PFKFB1: variants seen among roughly 807,000 people sequenced by gnomAD.
PFKFB1 encodes the protein 6-phosphofructo-2-kinase/fructose-2,6-bisphosphatase 1.
Under a neutral mutation model 46.4 loss-of-function variants are expected in PFKFB1, and 34 were observed. The observed-to-expected ratio is 0.73, with a 90% CI of 0.56 to 0.98. The LOEUF (loss-of-function observed/expected upper bound fraction) is 0.98, where lower values mean the gene tolerates loss of function less well. PFKFB1 is among the 50% of genes least tolerant of loss of function. PFKFB1 has a pLI of 0.00. For synonymous variants in PFKFB1, 119 were observed against 133.8 expected, an observed-to-expected ratio of 0.89 and a Z score of 0.76; for missense variants, 393 against 376.3, an observed-to-expected ratio of 1.04 and a Z score of -0.37.
At chrX:54,946,377 C>A (rs1341384103) in intron 9 of PFKFB1, among the ~76,000 whole-genome samples, 1 of 111,706 alleles carries the variant, frequency 9.0e-6, no homozygotes, top group Non-Finnish European at 1.9e-5. Flanking sequence ...GAGAAACTCC[C>A]AGAGGTGAGG....
At position 54,951,894 on chromosome X, in the gene PFKFB1, G is replaced by A. The variant is rs1363806204; in HGVS notation, c.846+11C>T. 5.9e-6 allele frequency: 7 copies of A among 1,178,607 alleles called. No homozygotes were observed. In the African/African-American group the frequency reaches 1.1e-4, roughly 18 times the overall value. Reference sequence around the variant, plus strand: ...CAGCCAACCCATCTGGGTGTGTGTGGCCCACCCTACCTGCTTGCCGCGAAC... The same window carrying A: ...CAGCCAACCCATCTGGGTGTGTGTGACCCACCCTACCTGCTTGCCGCGAAC... On this transcript the variant is annotated intron_variant, in intron 8 of 13. Coordinates refer to ENST00000375006, the MANE Select transcript of PFKFB1 (RefSeq NM_002625.4).
In PFKFB1 at chrX:54,952,012, T is replaced by A; in HGVS notation, c.739A>T (p.Ile247Phe). The A allele has an allele frequency of 8.3e-7, 1 of 1,210,649 alleles. No individual in the cohort carries two copies. Among genetic ancestry groups the A allele is most frequent in the Non-Finnish European group, 1.1e-6 (1 of 894,560 alleles). ...QSRTVYYLMNIHVTPRSIYLC... is the reference protein window; with the variant it reads ...QSRTVYYLMNFHVTPRSIYLC... ...TAGATGGAGCGAGGTGTGACATGGA[T>A]ATTCATGAGGTAGTAGACTGTGCGG... Residue 247 changes from isoleucine (I) to phenylalanine (F), a missense_variant, in exon 8 of 14, where the codon ATC (isoleucine) becomes TTC (phenylalanine). Physicochemically the swap from Ile to Phe is conservative, Grantham distance 21 (BLOSUM62 0). Transcript: ENST00000375006.
At chrX:54,945,717 T>TGC (rs35611718) in intron 9 of PFKFB1, among the ~76,000 whole-genome samples, 174 bp from the exon 10 acceptor site, 2,568 of 105,650 alleles carry the variant, frequency 0.024, 100 homozygotes, top group African/African-American at 0.089. Flanking sequence ...TGTGTGTGTG[T>TGC]GTGCGTGTGT....
In PFKFB1 at chrX:54,960,883, C is replaced by T; in HGVS notation, c.258G>A (p.Val86=). 8.4e-7 allele frequency: 1 copy of T among 1,192,658 alleles called. No individual in the cohort carries two copies. Among genetic ancestry groups the T allele is most frequent in the Non-Finnish European group, 1.1e-6 (1 of 881,005 alleles). Reference sequence around the variant, plus strand: ...GAAAGAATTCATAGTTCTTGTAGCTCACTGCCTCTCGTCGATACTGGCCTA... The same window carrying T: ...GAAAGAATTCATAGTTCTTGTAGCTTACTGCCTCTCGTCGATACTGGCCTA... ...FNLGQYRREA[V]SYKNYEFFLP... The change falls in exon 3 of 14, where the codon GTG becomes GTA. Residue 86 remains valine (V), a synonymous_variant. Transcript: ENST00000375006.
At chrX:54,955,989 T>A (rs918249105) in intron 7 of PFKFB1, among the ~76,000 whole-genome samples, 164 bp downstream of exon 7, 4 of 112,132 alleles carry the variant, frequency 3.6e-5, no homozygotes, top group African/African-American at 1.3e-4. Flanking sequence ...CATCAAGGAA[T>A]CAGAGCTGAA....
chrX:54,993,818 A>C, intron 1 of PFKFB1, 93 bp downstream of exon 1: 1 of 1,094,127 alleles, frequency 9.1e-7, no homozygotes, highest in East Asian at 3.3e-5. Flanking sequence ...AGGTTGAGGT[A>C]GGAGTGGATG....
chrX:54,973,565 A>C (rs760095507), intron 1 of PFKFB1, among the ~76,000 whole-genome samples: 8 of 111,378 alleles, frequency 7.2e-5, no homozygotes, highest in Admixed American at 9.6e-5. Flanking sequence ...GTTTCAAAGA[A>C]CATCTTTATT....
At chrX:54,971,746 T>C (rs1450742077) in intron 1 of PFKFB1, among the ~76,000 whole-genome samples, 2 of 111,400 alleles carry the variant, frequency 1.8e-5, no homozygotes, top group African/African-American at 6.5e-5. Context: ...TGTAGGCTTG[T>C]AGTATAGTTT....
At chrX:54,936,145 G>A (rs1933381776) in intron 11 of PFKFB1, among the ~76,000 whole-genome samples, 2 of 111,163 alleles carry the variant, frequency 1.8e-5, no homozygotes, top group African/African-American at 3.3e-5. Flanking sequence ...AAACAGACTC[G>A]GAGAAGGGAA....
intron 10 of PFKFB1, among the ~76,000 whole-genome samples, chrX:54,940,863 C>A (rs1329664012): frequency 2.5e-4 from 28 of 111,544 alleles, no homozygotes; most frequent in African/African-American, 7.5e-4. Context: ...GCTACCAATG[C>A]CTTTCTTCAC....
chrX:54,981,249 A>G (rs1934980182), intron 1 of PFKFB1, among the ~76,000 whole-genome samples: 1 of 111,135 alleles, frequency 9.0e-6, no homozygotes, highest in Admixed American at 9.6e-5. Flanking sequence ...AACAAAACAA[A>G]CAAACAAAAA....
chrX:54,964,598 T>C (rs993814840), intron 1 of PFKFB1, among the ~76,000 whole-genome samples: 1 of 111,551 alleles, frequency 9.0e-6, no homozygotes, highest in Non-Finnish European at 1.9e-5. Flanking sequence ...CTGGGTATAT[T>C]GTGTAATGGT....
At chrX:54,952,140 G>A in intron 7 of PFKFB1, 28 bp from the exon 8 acceptor site, 1 of 1,128,193 alleles carries the variant, frequency 8.9e-7, no homozygotes, top group South Asian at 1.8e-5. Context: ...AGGAGCAAGG[G>A]CAGCTCAGGG....
chrX:54,936,967 GT>G (rs775596246), intron 11 of PFKFB1, among the ~76,000 whole-genome samples: 270 of 102,505 alleles, frequency 2.6e-3, no homozygotes, highest in African/African-American at 6.6e-3. Context: ...TGATATAACA[GT>G]TTTTTTTTTT....
chrX:54,995,259 C>T (rs1343659065), upstream of PFKFB1, among the ~76,000 whole-genome samples: 2 of 112,087 alleles, frequency 1.8e-5, no homozygotes, highest in South Asian at 3.7e-4. Flanking sequence ...GAACCTCCAA[C>T]GATTGGCTAT....
At chrX:54,965,757 G>A (rs954978402) in intron 1 of PFKFB1, among the ~76,000 whole-genome samples, 2 of 111,086 alleles carry the variant, frequency 1.8e-5, no homozygotes, top group Non-Finnish European at 3.8e-5. Flanking sequence ...AAAAATAATG[G>A]AATACAACAA....
In PFKFB1 at chrX:54,937,722, G is replaced by A; in HGVS notation, c.1101C>T (p.Ser367=). The change falls in exon 11 of 14, where the codon TCC becomes TCT. Residue 367 remains serine, a splice_region_variant and synonymous_variant. Transcript: ENST00000375006. Reference sequence around the variant, plus strand: ...CCAGACGCTGAACCAGATCCTCATAGGACTAAACGTAAGAGAGATACTTGA... The same window carrying A: ...CCAGACGCTGAACCAGATCCTCATAAGACTAAACGTAAGAGAGATACTTGA... The part of the protein sequence containing the change: ...KYRYRYPKGE[S]YEDLVQRLEP... The A allele has an allele frequency of 9.9e-6, 12 of 1,206,846 alleles. No individual in the cohort carries two copies. The highest frequency in any genetic ancestry group is 1.3e-5 in the Non-Finnish European group (12 of 892,124).
chrX:54,939,181 T>G (rs886161201), intron 10 of PFKFB1, among the ~76,000 whole-genome samples: 1 of 111,644 alleles, frequency 9.0e-6, no homozygotes, highest in Non-Finnish European at 1.9e-5. Flanking sequence ...AATAAAGATG[T>G]TCTTTGAAAC....
At chrX:54,941,229 T>A (rs745353897) in intron 10 of PFKFB1, among the ~76,000 whole-genome samples, 22 of 111,744 alleles carry the variant, frequency 2.0e-4, no homozygotes, top group African/African-American at 5.9e-4. Context: ...TACACCTTAT[T>A]CAAAAATTAA....
Sources: allele counts gnomAD v4.1 joint callset (sites outside exome capture counted in the v4.1 genomes callset), GRCh38; gene constraint gnomAD v4.1.1; transcripts MANE v1.5; gene names NCBI Gene and HGNC (gene_info 2026-07-23, HGNC 2026-07-21).